CLNK: variants seen among roughly 807,000 people sequenced by gnomAD.
The protein encoded by CLNK is cytokine dependent hematopoietic cell linker, also known as cytokine-dependent hematopoietic cell linker.
In CLNK, 74 loss-of-function variants were observed where a neutral mutation model predicts 68.6. The observed-to-expected ratio is 1.08, with a 90% confidence interval of 0.89 to 1.31. CLNK has a LOEUF of 1.31. Among genes scored for constraint, CLNK ranks in the 50% most tolerant of loss-of-function variants. CLNK has a pLI of 0.00. For missense variants in CLNK, 553 were observed against 515.3 expected, an observed-to-expected ratio of 1.07 and a Z score of -0.71; for synonymous variants, 198 against 172.2, an observed-to-expected ratio of 1.15 and a Z score of -1.17.
chr4:10,725,090 G>C, the CLNK span, among the ~76,000 whole-genome samples: 2 of 152,046 alleles, frequency 1.3e-5, no homozygotes, highest in Non-Finnish European at 2.9e-5. Context: ...TTGCGAAGGA[G>C]AGGGCCCAGG....
At chr4:10,622,957 G>T (rs1722518485) in intron 2 of CLNK, among the ~76,000 whole-genome samples, 3 of 151,934 alleles carry the variant, frequency 2.0e-5, no homozygotes, top group Non-Finnish European at 4.4e-5. Flanking sequence ...CTTCAGAGGG[G>T]TTTCACCACC....
upstream of CLNK, among the ~76,000 whole-genome samples, chr4:10,686,212 A>G (rs911252523): frequency 1.3e-5 from 2 of 151,930 alleles, no homozygotes; most frequent in Admixed American, 6.6e-5. Context: ...TCTTTGTCCA[A>G]ATTTCCCCTT....
intron 2 of CLNK, among the ~76,000 whole-genome samples, chr4:10,654,259 G>A (rs4697644): frequency 0.33 from 49,638 of 150,516 alleles, 8,398 homozygotes; most frequent in African/African-American, 0.4. Flanking sequence ...TTCAAGTTTC[G>A]TTTAACATTA....
At chr4:10,563,144 C>T (rs530055772) in intron 7 of CLNK, among the ~76,000 whole-genome samples, 149 of 152,248 alleles carry the variant, frequency 9.8e-4, no homozygotes, top group Middle Eastern at 3.4e-3. Context: ...TTTCATTTTT[C>T]TGTCCAAATT....
intron 4 of CLNK, among the ~76,000 whole-genome samples, chr4:10,572,837 T>C (rs1720402211): frequency 6.6e-6 from 1 of 152,200 alleles, no homozygotes; most frequent in African/African-American, 2.4e-5. Flanking sequence ...TTGTTTTTTC[T>C]TGTTTTTTTG....
intron 2 of CLNK, among the ~76,000 whole-genome samples, chr4:10,633,661 T>C (rs1722973442): frequency 1.3e-5 from 2 of 152,360 alleles, no homozygotes; most frequent in South Asian, 4.1e-4. Context: ...ATCCTTGTAC[T>C]TCACTCATTT....
At chr4:10,574,198 T>C (rs1479787277) in intron 4 of CLNK, among the ~76,000 whole-genome samples, 2 of 152,162 alleles carry the variant, frequency 1.3e-5, no homozygotes, top group Non-Finnish European at 2.9e-5. Context: ...TCATACAGAC[T>C]AGGTGCCCTG....
At chr4:10,522,587 A>G (rs868085080) in intron 14 of CLNK, among the ~76,000 whole-genome samples, 99 of 151,610 alleles carry the variant, frequency 6.5e-4, no homozygotes, top group African/African-American at 2.3e-3. Flanking sequence ...AAAAAAAAAA[A>G]AAAGAAAGAA....
chr4:10,639,955 T>C (rs16871181), intron 2 of CLNK, among the ~76,000 whole-genome samples: 45,309 of 152,134 alleles, frequency 0.3, 7,423 homozygotes, highest in Middle Eastern at 0.43. Flanking sequence ...CAGAGGTGCC[T>C]AATTTCTAAT....
At chr4:10,701,816 C>A in the CLNK span, among the ~76,000 whole-genome samples, 1 of 152,138 alleles carries the variant, frequency 6.6e-6, no homozygotes, top group African/African-American at 2.4e-5. Flanking sequence ...AAAGTGAAAT[C>A]CAGGTAGACA....
chr4:10,642,603 T>C (rs1377483402), intron 2 of CLNK, among the ~76,000 whole-genome samples: 3 of 152,290 alleles, frequency 2.0e-5, no homozygotes, highest in South Asian at 4.1e-4. Context: ...ATCTTGGACC[T>C]GTATGCATGT....
chr4:10,587,318 C>T (rs1163368565), intron 3 of CLNK, among the ~76,000 whole-genome samples: 1 of 152,164 alleles, frequency 6.6e-6, no homozygotes, highest in East Asian at 1.9e-4. Context: ...TGGATGGGAT[C>T]CCTTTGGAAA....
At chr4:10,624,261 C>T (rs1290225014) in intron 2 of CLNK, among the ~76,000 whole-genome samples, 1 of 152,162 alleles carries the variant, frequency 6.6e-6, no homozygotes, top group Non-Finnish European at 1.5e-5. Context: ...AGATAACCTC[C>T]AGCCATGTTA....
At chr4:10,695,164 T>C in the CLNK span, among the ~76,000 whole-genome samples, 8 of 151,854 alleles carry the variant, frequency 5.3e-5, no homozygotes, top group East Asian at 1.5e-3. Context: ...TCAAAATTGC[T>C]AACAGAATAC....
chr4:10,569,188 C>CTTTTTTTTTTTT (rs57423330), intron 5 of CLNK, among the ~76,000 whole-genome samples: 1 of 124,416 alleles, frequency 8.0e-6, no homozygotes, highest in African/African-American at 3.1e-5. Context: ...CAAGACTGCC[C>CTTTTTTTTTTTT]TTTTTTTTTT....
At chr4:10,537,891 A>G (rs1718862814) in intron 11 of CLNK, among the ~76,000 whole-genome samples, 1 of 150,488 alleles carries the variant, frequency 6.6e-6, no homozygotes, top group Non-Finnish European at 1.5e-5. Flanking sequence ...TCATCATTTT[A>G]TCATACGAAG....
At chr4:10,566,250 T>A (rs932757761) in intron 5 of CLNK, 100 bp from the exon 6 acceptor site, 27 of 1,126,616 alleles carry the variant, frequency 2.4e-5, no homozygotes, top group Non-Finnish European at 3.0e-5. Context: ...CCTTCTTAGC[T>A]GCAAGTTAAA....
intron 11 of CLNK, among the ~76,000 whole-genome samples, chr4:10,534,289 T>G (rs1718657892): frequency 6.6e-6 from 1 of 152,226 alleles, no homozygotes; most frequent in Non-Finnish European, 1.5e-5. Flanking sequence ...TTTCTTACTC[T>G]TTGAGAGCTT....
chr4:10,571,846 G>A (rs1053611523), intron 4 of CLNK, 68 bp from the exon 5 acceptor site: 7 of 1,253,644 alleles, frequency 5.6e-6, no homozygotes, highest in South Asian at 5.1e-5. Flanking sequence ...AAAAGACTGG[G>A]CCCTTGTTTT....
Sources: gnomAD v4.1 joint callset for allele counts (sites outside exome capture counted in the v4.1 genomes callset) on GRCh38, gnomAD v4.1.1 for gene constraint, MANE v1.5 for transcripts, NCBI Gene and HGNC (gene_info 2026-07-23, HGNC 2026-07-21) for gene names.